The following RASGRF2 variants were observed in gnomAD, a reference collection of about 807,000 sequenced individuals.
RASGRF2 encodes the protein ras-specific guanine nucleotide-releasing factor 2.
Under a neutral mutation model 151.0 loss-of-function variants are expected in RASGRF2, and 76 were observed. The observed-to-expected ratio is 0.50, with a 90% CI of 0.42 to 0.61. The LOEUF (loss-of-function observed/expected upper bound fraction) is 0.61. Ranked by LOEUF, RASGRF2 falls within the 20% of genes least tolerant of loss-of-function variation. The pLI is 0.00. For missense variants in RASGRF2, 1,148 were observed against 1,564.6 expected (o/e 0.73, Z 4.49); for synonymous variants, 504 against 566.5 (o/e 0.89, Z 1.57).
chr5:81,008,810 A>G (rs1749361242), intron 1 of RASGRF2, among the ~76,000 whole-genome samples: 1 of 152,216 alleles, frequency 6.6e-6, no homozygotes, highest in Non-Finnish European at 1.5e-5. Context: ...ATTCAAGGGC[A>G]GAATAGAATT....
rs552727815 is a variant in RASGRF2 at position 81,194,827 on chromosome 5, A to G, written c.2794-6503A>G. On this transcript the variant is annotated intron_variant, in intron 18 of 26. Coordinates refer to ENST00000265080, the MANE Select transcript of RASGRF2 (RefSeq NM_006909.3). ...TTCTTTCATGTGCAAACCCACCCAGAAGTCTGCTGCTCCGCCTCCACTGCA... is the reference window on the plus strand; with the variant it reads ...TTCTTTCATGTGCAAACCCACCCAGGAGTCTGCTGCTCCGCCTCCACTGCA... Among the ~76,000 whole-genome samples the G allele has an allele frequency of 5.3e-5, 8 of 152,308 alleles. No homozygotes were observed. In the South Asian group the frequency reaches 1.5e-3, roughly 28 times the overall value.
intron 18 of RASGRF2, among the ~76,000 whole-genome samples, chr5:81,192,860 A>G (rs976074998): frequency 7.2e-5 from 11 of 152,130 alleles, no homozygotes; most frequent in African/African-American, 2.7e-4. Context: ...ACTCTACACC[A>G]CAATTTAAAT....
chr5:80,961,450 G>A (rs903494833), intron 1 of RASGRF2, among the ~76,000 whole-genome samples: 1 of 152,206 alleles, frequency 6.6e-6, no homozygotes, highest in Non-Finnish European at 1.5e-5. Context: ...CGGCTGGCGC[G>A]TGTAGATTTC....
intron 18 of RASGRF2, among the ~76,000 whole-genome samples, chr5:81,180,578 C>T (rs147772310): frequency 1.7e-3 from 256 of 152,262 alleles, no homozygotes; most frequent in African/African-American, 5.8e-3. Context: ...ACAACAAGGC[C>T]TCTGTGCTGT....
At chr5:81,123,413 G>A (rs891723600) in intron 15 of RASGRF2, among the ~76,000 whole-genome samples, 1 of 152,180 alleles carries the variant, frequency 6.6e-6, no homozygotes, top group Non-Finnish European at 1.5e-5. Context: ...GACAGAAGGG[G>A]CTGGCCAGGG....
At chr5:81,033,671 G>A (rs1190505196) in intron 1 of RASGRF2, among the ~76,000 whole-genome samples, 1 of 151,884 alleles carries the variant, frequency 6.6e-6, no homozygotes, top group Non-Finnish European at 1.5e-5. Context: ...AGACTTAAAT[G>A]TTAGACCTAA....
In RASGRF2 at chr5:81,102,380, AT is replaced by A. The variant is rs1311323247; in HGVS notation, c.1756-6611del. ...AGTTTGTCTTTGTTTTGGGTTCTGA[AT>A]TTTTAAAAATCTTCTTTTTAAAAAT... On this transcript the variant is annotated intron_variant, in intron 12 of 26. Coordinates refer to ENST00000265080, the MANE Select transcript of RASGRF2 (RefSeq NM_006909.3). Among the ~76,000 whole-genome samples the A allele has an allele frequency of 3.9e-5, 6 of 152,336 alleles. No homozygotes were observed. The East Asian group carries it at 1.2e-3, about 29-fold the overall frequency.
At chr5:81,142,304 T>G (rs574189047) in intron 17 of RASGRF2, among the ~76,000 whole-genome samples, 39 of 152,300 alleles carry the variant, frequency 2.6e-4, no homozygotes, top group African/African-American at 8.7e-4. Context: ...ATGTTATTGA[T>G]GGCAATGTGC....
chr5:81,177,843 C>A (rs554194458), intron 17 of RASGRF2, among the ~76,000 whole-genome samples: 1 of 152,142 alleles, frequency 6.6e-6, no homozygotes, highest in East Asian at 1.9e-4. Context: ...AGATATGTAG[C>A]AGTATGTGCA....
At chr5:81,070,844 C>G (rs537021930) in intron 4 of RASGRF2, among the ~76,000 whole-genome samples, 1 of 152,200 alleles carries the variant, frequency 6.6e-6, no homozygotes, top group African/African-American at 2.4e-5. Context: ...AAGTGCTGTT[C>G]AACCTCTTGA....
At chr5:80,986,878 C>T (rs1748487811) in intron 1 of RASGRF2, among the ~76,000 whole-genome samples, 1 of 152,118 alleles carries the variant, frequency 6.6e-6, no homozygotes, top group Non-Finnish European at 1.5e-5. Context: ...GCTGTTGGCT[C>T]ATTGTAACTG....
At chr5:81,146,037 A>T (rs562767912) in intron 17 of RASGRF2, among the ~76,000 whole-genome samples, 1 of 152,334 alleles carries the variant, frequency 6.6e-6, no homozygotes, top group East Asian at 1.9e-4. Flanking sequence ...CCCTGGGCTT[A>T]TACTCAACCA....
intron 17 of RASGRF2, among the ~76,000 whole-genome samples, chr5:81,157,031 C>T (rs1371906536): frequency 6.6e-6 from 1 of 151,852 alleles, no homozygotes; most frequent in African/African-American, 2.4e-5. Flanking sequence ...ATGAACAACC[C>T]AAAAATTAAT....
chr5:81,059,984 C>A (rs147768784), intron 2 of RASGRF2, among the ~76,000 whole-genome samples: 1 of 152,338 alleles, frequency 6.6e-6, no homozygotes, highest in East Asian at 1.9e-4. Context: ...CCGCAGGAAG[C>A]TTTTACTCAT....
chr5:81,098,929 G>A (rs1226390317), intron 12 of RASGRF2, among the ~76,000 whole-genome samples: 2 of 152,182 alleles, frequency 1.3e-5, no homozygotes, highest in Non-Finnish European at 2.9e-5. Flanking sequence ...ATTTTATTGT[G>A]TATATGTGAA....
chr5:81,046,357 T>C (rs1750836340), intron 2 of RASGRF2, among the ~76,000 whole-genome samples: 1 of 152,146 alleles, frequency 6.6e-6, no homozygotes, highest in Non-Finnish European at 1.5e-5. Context: ...GATGTCCCAT[T>C]GCATGTTTTC....
intron 4 of RASGRF2, among the ~76,000 whole-genome samples, chr5:81,071,764 A>C (rs1751784150): frequency 6.6e-6 from 1 of 152,072 alleles, no homozygotes; most frequent in Non-Finnish European, 1.5e-5. Context: ...CCTTTCCTTT[A>C]ATAGTATGTA....
chr5:81,177,263 GA>G (rs1011634329), intron 17 of RASGRF2, among the ~76,000 whole-genome samples: 1 of 152,024 alleles, frequency 6.6e-6, no homozygotes, highest in African/African-American at 2.4e-5. Context: ...AATAACAAAA[GA>G]TTTTTTTTCC....
intron 1 of RASGRF2, chr5:80,997,980 A>T (rs1485164097): frequency 2.0e-5 from 3 of 151,972 alleles, no homozygotes; most frequent in African/African-American, 7.3e-5. Context: ...AAAAAAAAAA[A>T]AAAAAAATTA....
Sources: allele counts gnomAD v4.1 joint callset (sites outside exome capture counted in the v4.1 genomes callset), GRCh38; gene constraint gnomAD v4.1.1; transcripts MANE v1.5; gene names NCBI Gene and HGNC (gene_info 2026-07-23, HGNC 2026-07-21).